POGLUT2: variants seen among roughly 807,000 people sequenced by gnomAD.
The protein encoded by POGLUT2 is protein O-glucosyltransferase 2, also known as ER protein 58.
POGLUT2 carries 47 observed loss-of-function variants against 57.6 expected under a neutral mutation model. The ratio of observed to expected loss-of-function variants is 0.82; its 90% CI spans 0.65 to 1.04. POGLUT2 has a LOEUF of 1.04. Ranked by LOEUF, POGLUT2 falls within the 50% of genes least tolerant of loss-of-function variation. The probability of loss-of-function intolerance (pLI) is 0.00; values close to 1 mark genes in which losing one functional copy is unlikely to be tolerated. For synonymous variants in POGLUT2, 200 were observed against 218.8 expected, an observed-to-expected ratio of 0.91 and a Z score of 0.76; for missense variants, 565 against 614.8, an observed-to-expected ratio of 0.92 and a Z score of 0.86.
At chr13:102,796,263 C>G (rs1415916246) in intron 2 of POGLUT2, among the ~76,000 whole-genome samples, 1 of 147,928 alleles carries the variant, frequency 6.8e-6, no homozygotes, top group African/African-American at 2.5e-5. Flanking sequence ...CCATTGCACT[C>G]CAGCCTTGTG....
chr13:102,790,021 T>C (rs1175550339), intron 6 of POGLUT2, among the ~76,000 whole-genome samples: 2 of 152,114 alleles, frequency 1.3e-5, no homozygotes, highest in Non-Finnish European at 2.9e-5. Context: ...TTGCAGAAAA[T>C]TCAACAGGCA....
At chr13:102,795,710 C>G (rs780795404) in intron 2 of POGLUT2, among the ~76,000 whole-genome samples, 21 of 152,164 alleles carry the variant, frequency 1.4e-4, no homozygotes, top group Admixed American at 9.8e-4. Context: ...CAGGCAGTGG[C>G]TGACAATGGA....
chr13:102,792,125 C>T (rs1421935419), intron 4 of POGLUT2: 3 of 1,254,810 alleles, frequency 2.4e-6, no homozygotes, highest in Non-Finnish European at 3.1e-6. Context: ...AATATTGATG[C>T]TATATAACTA....
chr13:102,787,205 C>T (rs1392348606), intron 8 of POGLUT2, among the ~76,000 whole-genome samples: 3 of 152,002 alleles, frequency 2.0e-5, no homozygotes, highest in East Asian at 1.9e-4. Context: ...CACCACCACA[C>T]CCGGCTAATT....
In POGLUT2 at chr13:102,792,141, A is replaced by G. The variant is rs1413877599; in HGVS notation, c.673-711T>C. 5.7e-6 allele frequency: 7 copies of G among 1,221,936 alleles called. No individual in the cohort carries two copies. In the Admixed American group the frequency reaches 8.9e-5, roughly 15 times the overall value. 75.7% of individuals were successfully genotyped at this position (1,221,936 alleles called of 1,614,324 possible). ...ATATTGATGCTATATAACTACCTAC[A>G]TTCAGAATTAACAGACTGTAAGTGC... On this transcript the variant is annotated intron_variant, in intron 4 of 9. Coordinates refer to ENST00000376004, the MANE Select transcript of POGLUT2 (RefSeq NM_024089.3).
intron 4 of POGLUT2, among the ~76,000 whole-genome samples, chr13:102,792,793 A>T (rs1878229039): frequency 1.3e-5 from 2 of 152,014 alleles, no homozygotes. Flanking sequence ...CTGACACTTT[A>T]ATTTTTTTTG....
intron 7 of POGLUT2, among the ~76,000 whole-genome samples, chr13:102,788,607 C>A (rs1411442793): frequency 6.6e-6 from 1 of 152,184 alleles, no homozygotes; most frequent in Admixed American, 6.5e-5. Flanking sequence ...CTGCCTCAGC[C>A]TCCCCAGTAG....
At chr13:102,786,580 A>G (rs913823228) in intron 8 of POGLUT2, among the ~76,000 whole-genome samples, 1 of 94,048 alleles carries the variant, frequency 1.1e-5, no homozygotes, top group Admixed American at 1.2e-4. Flanking sequence ...CTAAATTTCC[A>G]TGACTTTTTT....
chr13:102,791,613 T>C (rs1440061372), intron 4 of POGLUT2, among the ~76,000 whole-genome samples, 183 bp from the exon 5 acceptor site: 3 of 152,264 alleles, frequency 2.0e-5, no homozygotes, highest in Non-Finnish European at 4.4e-5. Flanking sequence ...ATAAGTATTC[T>C]ATGCTCCCTA....
intron 2 of POGLUT2, among the ~76,000 whole-genome samples, chr13:102,795,427 G>A (rs1878339205): frequency 6.6e-6 from 1 of 152,030 alleles, no homozygotes; most frequent in South Asian, 2.1e-4. Flanking sequence ...GTGGGGCATG[G>A]TGGTGAGTGC....
chr13:102,798,742 C>T lies in POGLUT2; in HGVS notation c.-72G>A. The stretch of plus-strand genomic sequence containing the variant: ...TAAGAGGTGGACAGAAGCAGCCGAG[C>T]CTTCGGCAGGGACCCGCCGGCCGAT... On this transcript the variant is annotated 5_prime_UTR_variant, in exon 1 of 10. Transcript: ENST00000376004. 1 of 1,413,726 alleles carries T rather than the reference C, an allele frequency of 7.1e-7. No homozygotes were observed. Among genetic ancestry groups the T allele is most frequent in the Non-Finnish European group, 9.3e-7 (1 of 1,069,582 alleles). The allele number at this position is 1,413,726 out of a possible 1,614,324, so 87.6% of individuals were successfully genotyped here.
At position 102,793,666 on chromosome 13, in the gene POGLUT2, C is replaced by G. The variant is rs747765386; in HGVS notation, c.529G>C (p.Val177Leu). The change falls in exon 3 of 10, where the codon GTA becomes CTA. Residue 177 changes from valine to leucine, a missense_variant. Coordinates refer to ENST00000376004, the MANE Select transcript of POGLUT2 (RefSeq NM_024089.3). ...TGTCCAAATCTTTTTGGGATTTCTA[C>G]TGCAATCTTTTCTGGATCCACAGCA... ...FPAVDPEKIAVEIPKRFGQRQ... is the reference protein window; with the variant it reads ...FPAVDPEKIALEIPKRFGQRQ... 2 of 1,614,144 alleles carry G rather than the reference C, an allele frequency of 1.2e-6. No individual in the cohort carries two copies. The highest frequency in any genetic ancestry group is 2.2e-5 in the South Asian group (2 of 91,086).
At chr13:102,787,755 A>G (rs1878008010) in intron 8 of POGLUT2, 79 bp downstream of exon 8, 1 of 711,828 alleles carries the variant, frequency 1.4e-6, no homozygotes, top group Non-Finnish European at 2.3e-6. Flanking sequence ...ATATGTTTAG[A>G]AATTGTTAAG....
rs765170582 is a variant in POGLUT2, at chr13:102,790,879, T to C, written c.1083+22A>G. The C allele has an allele frequency of 2.8e-6, 4 of 1,439,700 alleles. No individual in the cohort carries two copies. In the East Asian group the frequency reaches 9.1e-5, roughly 33 times the overall value. 89.2% of individuals were successfully genotyped at this position (1,439,700 alleles called of 1,614,324 possible). ...AAATACATTAGAAAAACAAAAAAGA[T>C]TAGCTACTGATTAAGTCATACCTTG... On this transcript the variant is annotated intron_variant, in intron 6 of 9. Coordinates refer to ENST00000376004, the MANE Select transcript of POGLUT2 (RefSeq NM_024089.3).
At chr13:102,796,306 A>AAAAT (rs1169327651) in intron 2 of POGLUT2, among the ~76,000 whole-genome samples, 2 of 124,106 alleles carry the variant, frequency 1.6e-5, no homozygotes, top group Admixed American at 8.0e-5. Flanking sequence ...AAAAAAAAAA[A>AAAAT]AAAAAATAAA....
At chr13:102,795,287 G>A (rs1209883252) in intron 2 of POGLUT2, among the ~76,000 whole-genome samples, 1 of 150,782 alleles carries the variant, frequency 6.6e-6, no homozygotes, top group Non-Finnish European at 1.5e-5. Context: ...AAGTAGCTGG[G>A]TACAGTGGCT....
In POGLUT2 at chr13:102,798,469, G is replaced by C. The variant is rs1262064189; in HGVS notation, c.182+20C>G. On this transcript the variant is annotated intron_variant, in intron 1 of 9. Transcript: ENST00000376004. ...TTTAACCGCCATCCAAAATAGGTAA[G>C]GAGCCGTTTCTCGACTTACTTATTC... 15 of 1,529,068 alleles carry C rather than the reference G, an allele frequency of 9.8e-6. No homozygotes were observed. The highest frequency in any genetic ancestry group is 1.2e-5 in the Non-Finnish European group (14 of 1,134,626). The allele number at this position is 1,529,068 out of a possible 1,614,324, so 94.7% of individuals were successfully genotyped here. A position where few individuals can be genotyped will look rare whatever the true frequency, so the allele number is the denominator to read the frequency against.
chr13:102,788,572 C>T (rs35815829), intron 7 of POGLUT2, among the ~76,000 whole-genome samples: 7,993 of 152,086 alleles, frequency 0.053, 317 homozygotes, highest in Middle Eastern at 0.1. Context: ...CTGCAACCTC[C>T]GCCTCCCAGG....
In POGLUT2 at chr13:102,798,681, G is replaced by T. The variant is rs746822382; in HGVS notation, c.-11C>A. The T allele has an allele frequency of 6.3e-7, 1 of 1,576,182 alleles. No homozygotes were observed. Among genetic ancestry groups the T allele is most frequent in the South Asian group, 1.2e-5 (1 of 86,930 alleles). On this transcript the variant is annotated 5_prime_UTR_variant, in exon 1 of 10. Coordinates refer to ENST00000376004, the MANE Select transcript of POGLUT2 (RefSeq NM_024089.3). Reference sequence around the variant, plus strand: ...CAAAGTGCCAAACATTTACAAGACGGACTCTCGAAATGATCCACCGATAAA... The same window carrying T: ...CAAAGTGCCAAACATTTACAAGACGTACTCTCGAAATGATCCACCGATAAA...
Sources: gnomAD v4.1 joint callset for allele counts (sites outside exome capture counted in the v4.1 genomes callset) on GRCh38, gnomAD v4.1.1 for gene constraint, MANE v1.5 for transcripts, NCBI Gene and HGNC (gene_info 2026-07-23, HGNC 2026-07-21) for gene names.